Variants in DPT observed in about 807,000 individuals in gnomAD.
DPT encodes the protein dermatopontin, also known as tyrosine-rich acidic matrix protein.
Under a neutral mutation model 31.2 loss-of-function variants are expected in DPT, and 21 were observed. That is an observed-to-expected ratio of 0.67 (90% CI 0.48 to 0.97). The LOEUF is 0.97. Ranked by LOEUF, DPT falls within the 50% of genes least tolerant of loss-of-function variation. The pLI is 0.00. For missense variants in DPT, 262 were observed against 258.8 expected, an observed-to-expected ratio of 1.01 and a Z score of -0.08; for synonymous variants, 91 against 86.9, an observed-to-expected ratio of 1.05 and a Z score of -0.26.
intron 1 of DPT, among the ~76,000 whole-genome samples, chr1:168,725,732 T>C (rs930128124): frequency 1.2e-4 from 19 of 152,232 alleles, no homozygotes; most frequent in Non-Finnish European, 2.6e-4. Context: ...CACTCAGCTA[T>C]GATGGCAACA....
chr1:168,714,480 A>G (rs896791484), intron 1 of DPT, 134 bp from the exon 2 acceptor site: 2 of 1,139,730 alleles, frequency 1.8e-6, no homozygotes, highest in Non-Finnish European at 2.4e-6. Flanking sequence ...TTATGCAAAT[A>G]ATAGTCTTTA....
At chr1:168,710,219 G>A (rs962466277) in intron 2 of DPT, among the ~76,000 whole-genome samples, 3 of 152,176 alleles carry the variant, frequency 2.0e-5, no homozygotes, top group African/African-American at 7.2e-5. Flanking sequence ...TTGTTCTGCT[G>A]CTTCTCCAAT....
At chr1:168,722,171 C>T (rs1469739269) in intron 1 of DPT, among the ~76,000 whole-genome samples, 1 of 152,142 alleles carries the variant, frequency 6.6e-6, no homozygotes, top group Non-Finnish European at 1.5e-5. Flanking sequence ...ACATTAGCAT[C>T]ACAGTAAATT....
chr1:168,700,985 C>A (rs758508267), intron 3 of DPT, 32 bp downstream of exon 3: 1 of 1,517,732 alleles, frequency 6.6e-7, no homozygotes. Context: ...TCCTTTAACC[C>A]TAGCCCATTG....
intron 2 of DPT, among the ~76,000 whole-genome samples, chr1:168,712,209 G>A (rs888421071): frequency 6.6e-6 from 1 of 152,166 alleles, no homozygotes; most frequent in African/African-American, 2.4e-5. Context: ...TGCATAAAGT[G>A]CTGTGACAGA....
intron 1 of DPT, among the ~76,000 whole-genome samples, chr1:168,722,780 G>C (rs34255594): frequency 2.0e-5 from 3 of 151,722 alleles, no homozygotes; most frequent in East Asian, 3.9e-4. Flanking sequence ...GGTCAGTGGG[G>C]CTGCATTTTG....
intron 1 of DPT, among the ~76,000 whole-genome samples, chr1:168,715,737 G>A (rs1424277702): frequency 1.3e-5 from 2 of 152,210 alleles, no homozygotes; most frequent in Non-Finnish European, 2.9e-5. Context: ...TGGGTATGGT[G>A]AGCCATGGCC....
intron 2 of DPT, among the ~76,000 whole-genome samples, chr1:168,705,304 C>T (rs1309500131): frequency 6.6e-6 from 1 of 152,142 alleles, no homozygotes; most frequent in Admixed American, 6.5e-5. Context: ...ATTAGGGCAA[C>T]TGGATTAGTC....
At chr1:168,721,185 T>C (rs1045282867) in intron 1 of DPT, among the ~76,000 whole-genome samples, 2 of 152,146 alleles carry the variant, frequency 1.3e-5, no homozygotes, top group Admixed American at 6.5e-5. Flanking sequence ...ACAAACACAG[T>C]TGGGGGCAAG....
intron 2 of DPT, among the ~76,000 whole-genome samples, chr1:168,711,584 A>G (rs1649863986): frequency 1.3e-5 from 2 of 152,202 alleles, no homozygotes; most frequent in Non-Finnish European, 2.9e-5. Context: ...AGACTGTCCA[A>G]CTGGTCACAT....
At chr1:168,727,722 G>C (rs1454081442) in intron 1 of DPT, among the ~76,000 whole-genome samples, 1 of 150,984 alleles carries the variant, frequency 6.6e-6, no homozygotes, top group East Asian at 1.9e-4. Context: ...TTTTTCTGTA[G>C]AGATAGGGTC....
At chr1:168,704,896 C>T (rs1022829691) in intron 2 of DPT, among the ~76,000 whole-genome samples, 2 of 152,144 alleles carry the variant, frequency 1.3e-5, no homozygotes, top group South Asian at 4.1e-4. Flanking sequence ...ATTAACAGAT[C>T]CAACTGGACT....
intron 3 of DPT, among the ~76,000 whole-genome samples, chr1:168,697,516 A>G (rs1649491089): frequency 6.6e-6 from 1 of 152,220 alleles, no homozygotes; most frequent in Non-Finnish European, 1.5e-5. Flanking sequence ...GGAAGAGTGT[A>G]CATAGCATTA....
In DPT at chr1:168,701,069, T is replaced by C. The variant is rs1316288911; in HGVS notation, c.487A>G (p.Asn163Asp). The C allele has an allele frequency of 1.9e-6, 3 of 1,613,998 alleles. No homozygotes were observed. Residue 163 changes from asparagine (N) to aspartate (D), a missense_variant, in exon 3 of 4, where the codon AAT becomes GAT. By Grantham distance (23) the Asn-to-Asp change is conservative. Transcript: ENST00000367817. ...YGEEMDMISY[N>D]YDYYIRGATT... ...GCTCCTCGGATATAGTAATCATAAT[T>C]GTAGGAAATCATGTCCATTTCCTCA...
chr1:168,701,856 C>T (rs1405670411), intron 2 of DPT, among the ~76,000 whole-genome samples: 1 of 152,128 alleles, frequency 6.6e-6, no homozygotes, highest in Non-Finnish European at 1.5e-5. Flanking sequence ...TAAAGTCTAC[C>T]TTATAGGTTT....
chr1:168,696,844 G>A (rs1368642021), intron 3 of DPT, among the ~76,000 whole-genome samples: 1 of 152,174 alleles, frequency 6.6e-6, no homozygotes, highest in Non-Finnish European at 1.5e-5. Flanking sequence ...GCTGTGTGGA[G>A]GCCTCTGTTC....
chr1:168,715,937 T>C (rs569975678), intron 1 of DPT, among the ~76,000 whole-genome samples: 1 of 152,382 alleles, frequency 6.6e-6, no homozygotes, highest in Non-Finnish European at 1.5e-5. Context: ...GCTGCTGGAA[T>C]GCAACCTTGT....
chr1:168,723,611 C>G (rs962016128), intron 1 of DPT, among the ~76,000 whole-genome samples: 1 of 152,168 alleles, frequency 6.6e-6, no homozygotes, highest in Non-Finnish European at 1.5e-5. Context: ...CCATCTCTCC[C>G]CTTCTACTGA....
intron 2 of DPT, among the ~76,000 whole-genome samples, chr1:168,707,438 CTG>C (rs772142889): frequency 2.2e-4 from 33 of 152,152 alleles, no homozygotes; most frequent in Non-Finnish European, 4.0e-4. Flanking sequence ...TGGTTTGTAA[CTG>C]AGAGGTTTAC....
Sources: allele counts gnomAD v4.1 joint callset (sites outside exome capture counted in the v4.1 genomes callset), GRCh38; gene constraint gnomAD v4.1.1; transcripts MANE v1.5; gene names NCBI Gene and HGNC (gene_info 2026-07-23, HGNC 2026-07-21).